The following ZXDC variants were observed in gnomAD, a reference collection of about 807,000 sequenced individuals.
ZXDC encodes zinc finger protein ZXDC.
ZXDC carries 58 observed loss-of-function variants against 63.6 expected under a neutral mutation model. The observed-to-expected ratio is 0.91, with a 90% CI of 0.74 to 1.13. The LOEUF (loss-of-function observed/expected upper bound fraction) is 1.13, where lower values mean the gene tolerates loss of function less well. ZXDC is among the 50% of genes most tolerant of loss of function. ZXDC has a pLI of 0.00. For synonymous variants in ZXDC, 561 were observed against 496.1 expected (o/e 1.13, Z -1.74); for missense variants, 1,133 against 1,148.9 (o/e 0.99, Z 0.20).
At chr3:126,471,761 T>C (rs777501) in intron 3 of ZXDC, among the ~76,000 whole-genome samples, 5 of 151,594 alleles carry the variant, frequency 3.3e-5, no homozygotes, top group Admixed American at 6.6e-5. Context: ...TAGCTTTTTT[T>C]AAAAAAAGTA....
At chr3:126,450,036 G>C (rs891643850) in intron 7 of ZXDC, among the ~76,000 whole-genome samples, 1 of 152,132 alleles carries the variant, frequency 6.6e-6, no homozygotes, top group African/African-American at 2.4e-5. Context: ...CTGCCACCAA[G>C]CACCTTTCTA....
rs967929955 is a variant in ZXDC, at chr3:126,439,698, G to A, written c.2424C>T (p.Pro808=). ...QDDPSGEGVL[P]SARGPATFLP... ...GGAAGGTGGCTGGGCCGCGGGCCGA[G>A]GGCAGGACACCTTCGCCGGAGGGGT... The change falls in exon 9 of 10, where the codon CCC becomes CCT. Residue 808 remains proline (P), a synonymous_variant. Coordinates refer to ENST00000389709, the MANE Select transcript of ZXDC (RefSeq NM_025112.5). 7.1e-6 allele frequency: 11 copies of A among 1,552,388 alleles called. No homozygotes were observed. The highest frequency in any genetic ancestry group is 9.6e-6 in the Non-Finnish European group (11 of 1,147,378).
chr3:126,459,343 C>G (rs1403761748), intron 7 of ZXDC: 1 of 985,338 alleles, frequency 1.0e-6, no homozygotes, highest in Non-Finnish European at 1.2e-6. Context: ...ACAATCTCTG[C>G]TTTCCTGACA....
In ZXDC at chr3:126,475,700, C is replaced by T. The variant is rs1935196635; in HGVS notation, c.166G>A (p.Gly56Arg). The change falls in exon 1 of 10, where the codon GGG becomes AGG. Residue 56 changes from glycine (G) to arginine (R), a missense_variant. Coordinates refer to ENST00000389709, the MANE Select transcript of ZXDC (RefSeq NM_025112.5). ...PEDGGPGARPGEASGPSPPPA... is the reference protein window; with the variant it reads ...PEDGGPGARPREASGPSPPPA... ...GGCGGGCTTGGCCCGGAGGCCTCCCCGGGCCGCGCCCCGGGCCCGCCATCT... is the reference window on the plus strand; with the variant it reads ...GGCGGGCTTGGCCCGGAGGCCTCCCTGGGCCGCGCCCCGGGCCCGCCATCT... 1.5e-6 allele frequency: 2 copies of T among 1,295,674 alleles called. No individual in the cohort carries two copies. The highest frequency in any genetic ancestry group is 2.0e-6 in the Non-Finnish European group (2 of 1,023,626). 80.3% of individuals were successfully genotyped at this position (1,295,674 alleles called of 1,614,324 possible).
rs149194576 is a variant in ZXDC, at chr3:126,451,037, G to A, written c.2212+8616C>T. The A allele has an allele frequency of 2.0e-4, 128 of 643,348 alleles. 1 individual carries two copies. In the East Asian group the frequency reaches 0.015, roughly 76 times the overall value. The allele number at this position is 643,348 out of a possible 1,614,324, so 39.9% of individuals were successfully genotyped here. On this transcript the variant is annotated intron_variant, in intron 7 of 9. Transcript: ENST00000389709. The stretch of plus-strand genomic sequence containing the variant: ...CCCACTGTCCCATGGAAAGGAAAGG[G>A]ACTCAAGGCCACTCCTCATCACCAC...
At chr3:126,473,942 G>A (rs1935076444) in intron 1 of ZXDC, among the ~76,000 whole-genome samples, 1 of 152,162 alleles carries the variant, frequency 6.6e-6, no homozygotes, top group African/African-American at 2.4e-5. Context: ...CCCTTCTGGA[G>A]GAACCCTATC....
intron 7 of ZXDC, among the ~76,000 whole-genome samples, chr3:126,457,095 C>T (rs1041384679): frequency 6.6e-6 from 1 of 152,158 alleles, no homozygotes; most frequent in East Asian, 1.9e-4. Flanking sequence ...CCAGAGGAGA[C>T]GGGGAGGGGT....
chr3:126,470,858 C>A (rs758417335), intron 4 of ZXDC, 37 bp downstream of exon 4: 1 of 1,607,370 alleles, frequency 6.2e-7, no homozygotes, highest in South Asian at 1.1e-5. Context: ...TGGCATTGCA[C>A]TTAGTTTACT....
intron 7 of ZXDC, chr3:126,442,734 A>T (rs1279707691): frequency 1.3e-5 from 2 of 152,112 alleles, no homozygotes; most frequent in Admixed American, 1.3e-4. Flanking sequence ...AGTGCCAAGG[A>T]GTTTAGGCAC....
intron 7 of ZXDC, among the ~76,000 whole-genome samples, chr3:126,447,390 T>C (rs1433917186): frequency 1.3e-5 from 2 of 152,228 alleles, no homozygotes; most frequent in African/African-American, 2.4e-5. Context: ...ATTAATTTTA[T>C]ATATACAAAT....
chr3:126,440,970 C>A (rs1446436095), intron 8 of ZXDC: 6 of 985,560 alleles, frequency 6.1e-6, no homozygotes, highest in African/African-American at 1.7e-5. Flanking sequence ...GTGGGGCCTG[C>A]AACCGCATCC....
At position 126,461,997 on chromosome 3, in the gene ZXDC, A is replaced by G. The variant is rs1173719566; in HGVS notation, c.1665T>C (p.Ala555=). The G allele has an allele frequency of 6.2e-7, 1 of 1,614,158 alleles. No homozygotes were observed. The highest frequency in any genetic ancestry group is 8.5e-7 in the Non-Finnish European group (1 of 1,180,040). The change falls in exon 6 of 10, where the codon GCT becomes GCC. Residue 555 remains alanine (A), a synonymous_variant. Coordinates refer to ENST00000389709, the MANE Select transcript of ZXDC (RefSeq NM_025112.5). ...CCATCGGCCCTAGGGAGCTATTATT[A>G]GCAGGGAGGTTCCCTCCCAGAGAGG... ...VSSSLGGNLP[A]NNSSLGPMEP... is the part of the protein sequence containing the mutation.
chr3:126,459,873 A>G, intron 6 of ZXDC, 136 bp from the exon 7 acceptor site: 1 of 1,553,706 alleles, frequency 6.4e-7, no homozygotes, highest in East Asian at 2.3e-5. Context: ...CAAGGCACAC[A>G]AAGGGCCAAA....
At chr3:126,472,882 C>T (rs1560106713) in intron 1 of ZXDC, among the ~76,000 whole-genome samples, 1 of 152,150 alleles carries the variant, frequency 6.6e-6, no homozygotes, top group Non-Finnish European at 1.5e-5. Flanking sequence ...CAATCCTAAC[C>T]CCTGGCCAAA....
rs557676214 is a variant in ZXDC, at chr3:126,465,229, G to A, written c.1441+926C>T. 7.5e-4 allele frequency among the ~76,000 whole-genome samples: 115 copies of A among 152,340 alleles called. 1 individual carries two copies. The highest frequency in any genetic ancestry group is 2.5e-3 in the South Asian group (12 of 4,832). On this transcript the variant is annotated intron_variant, in intron 5 of 9. Transcript: ENST00000389709. ...CCAGGCCCGGTGAGGAGCGACAACC[G>A]CACCAGGGCCCAGAGAATAGGGCAC...
chr3:126,475,715 G>A lies in ZXDC; in HGVS notation c.151C>T (p.Pro51Ser), dbSNP rs906498870. Residue 51 changes from proline (P) to serine (S), a missense_variant, in exon 1 of 10, where the codon CCC becomes TCC. Pro to Ser is a moderately conservative substitution (Grantham distance 74, BLOSUM62 -1). Coordinates refer to ENST00000389709, the MANE Select transcript of ZXDC (RefSeq NM_025112.5). ...GAGGCCTCCCCGGGCCGCGCCCCGG[G>A]CCCGCCATCTTCAGGGCCCCGCACC... ...LLVRGPEDGG[P>S]GARPGEASGP... The A allele has an allele frequency of 2.1e-5, 27 of 1,275,686 alleles. No individual in the cohort carries two copies. The highest frequency in any genetic ancestry group is 2.7e-5 in the Non-Finnish European group (27 of 1,012,452). The allele number at this position is 1,275,686 out of a possible 1,614,324, so 79.0% of individuals were successfully genotyped here.
chr3:126,465,780 G>A (rs141413191), intron 5 of ZXDC, among the ~76,000 whole-genome samples: 1 of 152,230 alleles, frequency 6.6e-6, no homozygotes, highest in African/African-American at 2.4e-5. Context: ...GTGAAACCCT[G>A]TCTCTATAAA....
In ZXDC at chr3:126,459,405, G is replaced by A. The variant is rs547231473; in HGVS notation, c.2212+248C>T. 5 of 985,374 alleles carry A rather than the reference G, an allele frequency of 5.1e-6. No individual in the cohort carries two copies. The South Asian group carries it at 1.4e-4, about 28-fold the overall frequency. 61.0% of individuals were successfully genotyped at this position (985,374 alleles called of 1,614,324 possible). A position where few individuals can be genotyped will look rare whatever the true frequency, so the allele number is the denominator to read the frequency against. ...AGTAGCCTTCCAGGTAACTGACACT[G>A]GTGTTTGAACGCTTAACTTTCACAA... is the stretch of plus-strand genomic sequence containing the variant. On this transcript the variant is annotated intron_variant, in intron 7 of 9. Transcript: ENST00000389709.
intron 8 of ZXDC, chr3:126,440,715 C>T: frequency 1.0e-6 from 1 of 985,858 alleles, no homozygotes; most frequent in Non-Finnish European, 1.2e-6. Context: ...CTCTCTAAGA[C>T]AAGCTTCAGC....
Sources: gnomAD v4.1 joint callset for allele counts (sites outside exome capture counted in the v4.1 genomes callset) on GRCh38, gnomAD v4.1.1 for gene constraint, MANE v1.5 for transcripts, NCBI Gene and HGNC (gene_info 2026-07-23, HGNC 2026-07-21) for gene names.